The following CFAP119 variants were observed in gnomAD, a reference collection of about 807,000 sequenced individuals.
The protein encoded by CFAP119 is cilia and flagella associated protein 119.
chr16:30,760,666 T>G, the CFAP119 span: 2 of 1,539,242 alleles, frequency 1.3e-6, no homozygotes, highest in Non-Finnish European at 1.7e-6. Flanking sequence ...GTCCAGGTAC[T>G]TCCTGTTATA....
the CFAP119 span, chr16:30,759,695 A>T: frequency 1.7e-5 from 28 of 1,613,578 alleles, no homozygotes; most frequent in African/African-American, 2.5e-4. Context: ...AAGTAGCGGT[A>T]GCACTCCTCC....
the CFAP119 span, chr16:30,761,023 GCCT>G: frequency 1.5e-6 from 1 of 675,648 alleles, no homozygotes; most frequent in Non-Finnish European, 2.5e-6. Context: ...TTCTCACACT[GCCT>G]CCTCTTTGGA....
chr16:30,759,858 C>T, the CFAP119 span: 1 of 1,461,846 alleles, frequency 6.8e-7, no homozygotes, highest in African/African-American at 1.4e-5. Flanking sequence ...GTTTCCTTAA[C>T]TCATGTAACA....
the CFAP119 span, chr16:30,760,016 T>C: frequency 1.0e-5 from 15 of 1,482,310 alleles, no homozygotes; most frequent in Non-Finnish European, 1.3e-5. Flanking sequence ...GCAAGAGCTA[T>C]TAAACATTCT....
chr16:30,760,333 C>A, the CFAP119 span: 1 of 1,614,240 alleles, frequency 6.2e-7, no homozygotes, highest in Non-Finnish European at 8.5e-7. Flanking sequence ...CCGCTGACGT[C>A]TGCTCCAGTG....
the CFAP119 span, chr16:30,758,789 A>C: frequency 1.4e-6 from 1 of 705,180 alleles, no homozygotes; most frequent in East Asian, 2.9e-5. Context: ...TCCTGAGCTC[A>C]GGCAATCCGC....
At chr16:30,761,815 C>T in the CFAP119 span, 122 of 1,408,162 alleles carry the variant, frequency 8.7e-5, no homozygotes, top group African/African-American at 1.6e-3. Flanking sequence ...ACAGCCAGCG[C>T]TCGGTCGGCG....
the CFAP119 span, chr16:30,760,649 A>G: frequency 6.4e-7 from 1 of 1,554,400 alleles, no homozygotes; most frequent in South Asian, 1.2e-5. Flanking sequence ...TGGTGCATGG[A>G]ATGGACGTCC....
chr16:30,760,813 ACT>A, the CFAP119 span: 2 of 724,384 alleles, frequency 2.8e-6, no homozygotes, highest in Non-Finnish European at 4.8e-6. Flanking sequence ...CAAATCGTTA[ACT>A]CTCTGGGCCT....
At chr16:30,757,778 G>T in the CFAP119 span, 1 of 1,437,984 alleles carries the variant, frequency 7.0e-7, no homozygotes, top group Non-Finnish European at 9.1e-7. Context: ...TAGCAATGTT[G>T]TTTCCCTTTA....
the CFAP119 span, chr16:30,758,722 T>A: frequency 2.4e-6 from 1 of 416,436 alleles, no homozygotes; most frequent in South Asian, 2.4e-5. Flanking sequence ...TGCCTGGCTA[T>A]TTTTTGTATT....
the CFAP119 span, chr16:30,760,411 G>A: frequency 6.2e-7 from 1 of 1,614,184 alleles, no homozygotes. Flanking sequence ...CGTCCCTCAG[G>A]CTCTGCTCAG....
chr16:30,761,737 G>A, the CFAP119 span: 16 of 1,524,436 alleles, frequency 1.0e-5, no homozygotes, highest in African/African-American at 2.1e-4. Context: ...GGCTGGTCTT[G>A]CGGTTGAGCA....
the CFAP119 span, chr16:30,760,030 G>C: frequency 6.7e-7 from 1 of 1,496,370 alleles, no homozygotes; most frequent in Non-Finnish European, 8.9e-7. Flanking sequence ...ACATTCTAAA[G>C]CAGGTGTTAT....
the CFAP119 span, chr16:30,760,841 A>G: frequency 1.5e-6 from 1 of 650,188 alleles, no homozygotes; most frequent in African/African-American, 1.8e-5. Context: ...AACTCTTATG[A>G]GCCTCTCCAT....
the CFAP119 span, chr16:30,759,916 A>G: frequency 1.4e-6 from 2 of 1,440,390 alleles, no homozygotes; most frequent in Non-Finnish European, 1.8e-6. Flanking sequence ...TCGGCACTGA[A>G]CAAGACAGAC....
the CFAP119 span, chr16:30,761,648 G>C: frequency 6.5e-7 from 1 of 1,535,966 alleles, no homozygotes; most frequent in East Asian, 2.4e-5. Context: ...CCCATGCACT[G>C]AGCTGCGATC....
chr16:30,760,282 A>C, the CFAP119 span: 6 of 1,613,848 alleles, frequency 3.7e-6, no homozygotes, highest in East Asian at 1.3e-4. Context: ...GCCCCCTCTC[A>C]CCAATACAAG....
At chr16:30,759,224 A>C in the CFAP119 span, 1 of 1,614,194 alleles carries the variant, frequency 6.2e-7, no homozygotes, top group Non-Finnish European at 8.5e-7. Context: ...GCCCCATGTA[A>C]GTCAAAGACA....
Sources: gnomAD v4.1 joint callset for allele counts on GRCh38, gnomAD v4.1.1 for gene constraint, MANE v1.5 for transcripts, NCBI Gene and HGNC (gene_info 2026-07-23, HGNC 2026-07-21) for gene names.